The following UNC5C variants were observed in gnomAD, a reference collection of about 807,000 sequenced individuals.
UNC5C encodes unc-5 netrin receptor C.
UNC5C carries 47 observed loss-of-function variants against 99.8 expected under a neutral mutation model. The ratio of observed to expected loss-of-function variants is 0.47; its 90% CI spans 0.37 to 0.60. The LOEUF is 0.60. Ranked by LOEUF, UNC5C falls within the 20% of genes least tolerant of loss-of-function variation. UNC5C has a pLI of 0.00. For synonymous variants in UNC5C, 487 were observed against 452.2 expected (o/e 1.08, Z -0.98); for missense variants, 1,062 against 1,165.9 (o/e 0.91, Z 1.30).
chr4:95,518,693 T>C (rs1722276080), intron 1 of UNC5C, among the ~76,000 whole-genome samples: 1 of 152,206 alleles, frequency 6.6e-6, no homozygotes, highest in Non-Finnish European at 1.5e-5. Flanking sequence ...TGTTTTCATT[T>C]CATTTGTAAA....
At chr4:95,170,403 A>G (rs1736048635) in intron 14 of UNC5C, 71 bp from the exon 15 acceptor site, 3 of 1,510,184 alleles carry the variant, frequency 2.0e-6, no homozygotes. Context: ...GAACCAATCA[A>G]CATAATGCCT....
At chr4:95,224,237 T>G (rs1356896310) in intron 7 of UNC5C, among the ~76,000 whole-genome samples, 1 of 152,154 alleles carries the variant, frequency 6.6e-6, no homozygotes, top group Admixed American at 6.5e-5. Context: ...GAGCAGAGAT[T>G]GCGCCACTGC....
At chr4:95,379,115 T>C (rs1254430702) in intron 1 of UNC5C, among the ~76,000 whole-genome samples, 1 of 151,644 alleles carries the variant, frequency 6.6e-6, no homozygotes, top group Non-Finnish European at 1.5e-5. Context: ...GGGCGAGGAG[T>C]AGAGAGACAA....
Position 95,305,018 on chromosome 4 carries a change from G to A in UNC5C, c.347-3269C>T, listed in dbSNP as rs576417034. The stretch of plus-strand genomic sequence containing the variant: ...ACAGACCAACCCTCCTGCTACAGGA[G>A]TTATTCATAGTCTGAATGCTCTGAA... On this transcript the variant is annotated intron_variant, in intron 2 of 15. Coordinates refer to ENST00000453304, the MANE Select transcript of UNC5C (RefSeq NM_003728.4). 1.2e-4 allele frequency among the ~76,000 whole-genome samples: 19 copies of A among 152,280 alleles called. No individual in the cohort carries two copies. In the South Asian group the frequency reaches 3.9e-3, roughly 32 times the overall value.
intron 4 of UNC5C, among the ~76,000 whole-genome samples, chr4:95,274,956 G>A (rs895235464): frequency 6.6e-6 from 1 of 152,004 alleles, no homozygotes; most frequent in Non-Finnish European, 1.5e-5. Context: ...AACCCGGGAG[G>A]TGGAGGTTGC....
chr4:95,199,648 G>GTAT (rs1737573974), intron 12 of UNC5C, among the ~76,000 whole-genome samples: 1 of 152,088 alleles, frequency 6.6e-6, no homozygotes, highest in African/African-American at 2.4e-5. Flanking sequence ...ATTTTTGCAT[G>GTAT]TATTTGTGTG....
chr4:95,437,127 T>C (rs1746819361), intron 1 of UNC5C, among the ~76,000 whole-genome samples: 1 of 151,874 alleles, frequency 6.6e-6, no homozygotes, highest in African/African-American at 2.4e-5. Context: ...TGAAAGTCAG[T>C]AAAAGCATAG....
At chr4:95,466,010 G>A (rs1747765086) in intron 1 of UNC5C, among the ~76,000 whole-genome samples, 1 of 152,126 alleles carries the variant, frequency 6.6e-6, no homozygotes, top group African/African-American at 2.4e-5. Flanking sequence ...TCATTCTGAT[G>A]AGCCTGTATA....
chr4:95,478,721 T>C (rs989670146), intron 1 of UNC5C, among the ~76,000 whole-genome samples: 1 of 152,070 alleles, frequency 6.6e-6, no homozygotes, highest in African/African-American at 2.4e-5. Flanking sequence ...ATCCAGGTTA[T>C]AGTTTATTTG....
intron 2 of UNC5C, 126 bp from the exon 3 acceptor site, chr4:95,301,875 C>T (rs148528737): frequency 4.2e-6 from 5 of 1,202,686 alleles, no homozygotes; most frequent in East Asian, 2.6e-5. Flanking sequence ...CAGATATTGT[C>T]TCTCATCTCT....
chr4:95,506,910 T>C (rs984842935), intron 1 of UNC5C, among the ~76,000 whole-genome samples: 3 of 133,794 alleles, frequency 2.2e-5, no homozygotes, highest in African/African-American at 1.1e-4. Context: ...TTAATAAATG[T>C]AAGTAAGATA....
intron 1 of UNC5C, among the ~76,000 whole-genome samples, chr4:95,489,864 A>G (rs187362854): frequency 5.9e-5 from 9 of 151,860 alleles, no homozygotes; most frequent in African/African-American, 2.2e-4. Flanking sequence ...TTAACTATGC[A>G]GATGAGTGTA....
At chr4:95,540,076 T>C (rs1340494885) in intron 1 of UNC5C, among the ~76,000 whole-genome samples, 1 of 152,174 alleles carries the variant, frequency 6.6e-6, no homozygotes, top group African/African-American at 2.4e-5. Context: ...GGAAGTAGCA[T>C]TTTATAAAAC....
chr4:95,181,162 C>A (rs965949392), intron 14 of UNC5C, among the ~76,000 whole-genome samples: 3 of 152,186 alleles, frequency 2.0e-5, no homozygotes, highest in Admixed American at 2.0e-4. Flanking sequence ...TCTTCCCCGC[C>A]CTCAGTTAAA....
At position 95,238,956 on chromosome 4, in the gene UNC5C, T is replaced by C. The variant is rs1739227885; in HGVS notation, c.1108+3473A>G. Among the ~76,000 whole-genome samples the C allele has an allele frequency of 5.9e-5, 9 of 152,312 alleles. No homozygotes were observed. In the South Asian group the frequency reaches 1.9e-3, roughly 32 times the overall value. Reference sequence around the variant, plus strand: ...TTATTTCATTTGTGCTTATGTTCCTTTTAAAAATATGGTTTGTCTTTTTAC... The same window carrying C: ...TTATTTCATTTGTGCTTATGTTCCTCTTAAAAATATGGTTTGTCTTTTTAC... On this transcript the variant is annotated intron_variant, in intron 7 of 15. Coordinates refer to ENST00000453304, the MANE Select transcript of UNC5C (RefSeq NM_003728.4).
chr4:95,262,322 C>G (rs141398789), intron 4 of UNC5C, among the ~76,000 whole-genome samples: 2 of 152,134 alleles, frequency 1.3e-5, no homozygotes, highest in African/African-American at 2.4e-5. Context: ...AATTTTTGAC[C>G]TGTAACTTGG....
intron 1 of UNC5C, among the ~76,000 whole-genome samples, chr4:95,546,989 C>G (rs1445255380): frequency 6.6e-6 from 1 of 151,890 alleles, no homozygotes; most frequent in Non-Finnish European, 1.5e-5. Context: ...TAACAGCAGG[C>G]GAATTCCACA....
chr4:95,522,610 TTTAA>T (rs1020322259), intron 1 of UNC5C, among the ~76,000 whole-genome samples: 1 of 152,212 alleles, frequency 6.6e-6, no homozygotes, highest in Non-Finnish European at 1.5e-5. Context: ...ATCCTGACTT[TTTAA>T]TTAGTCTTTA....
chr4:95,182,713 T>C (rs1736661134), intron 14 of UNC5C, among the ~76,000 whole-genome samples, 184 bp downstream of exon 14: 1 of 151,758 alleles, frequency 6.6e-6, no homozygotes, highest in Non-Finnish European at 1.5e-5. Flanking sequence ...AATATATATA[T>C]ATTTTTTTCT....
Sources: allele counts gnomAD v4.1 joint callset (sites outside exome capture counted in the v4.1 genomes callset), GRCh38; gene constraint gnomAD v4.1.1; transcripts MANE v1.5; gene names NCBI Gene and HGNC (gene_info 2026-07-23, HGNC 2026-07-21).